Variants in BRPF3 observed in about 807,000 individuals in gnomAD.
BRPF3 encodes the protein bromodomain and PHD finger containing 3.
A neutral mutation model predicts 102.0 loss-of-function variants in BRPF3; 18 were observed. The observed-to-expected ratio is 0.18, with a 90% CI of 0.12 to 0.26. The LOEUF (loss-of-function observed/expected upper bound fraction) is 0.26. BRPF3 is among the 10% of genes least tolerant of loss of function. The probability of loss-of-function intolerance (pLI) is 1.00; values close to 1 mark genes in which losing one functional copy is unlikely to be tolerated. For missense variants in BRPF3, 1,147 were observed against 1,567.8 expected (o/e 0.73, Z 4.53); for synonymous variants, 570 against 614.2 (o/e 0.93, Z 1.06).
chr6:36,207,384 G>A lies in BRPF3; in HGVS notation c.1677G>A (p.Leu559=). ...ATTGGCAGAAGCTCCGGCATGACTT[G>A]GAGCGGGCGCGGCTGCTGATTGAGC... ...LKYWQKLRHD[L]ERARLLIELI... is the part of the protein sequence containing the mutation. Residue 559 remains leucine (L), a synonymous_variant, in exon 4 of 13, where the codon TTG becomes TTA. Coordinates refer to ENST00000357641, the MANE Select transcript of BRPF3 (RefSeq NM_015695.3). The A allele has an allele frequency of 1.2e-6, 2 of 1,614,148 alleles. No homozygotes were observed. Among genetic ancestry groups the A allele is most frequent in the Non-Finnish European group, 1.7e-6 (2 of 1,180,008 alleles).
At chr6:36,208,478 G>A (rs62403695) in intron 4 of BRPF3, among the ~76,000 whole-genome samples, 1 of 151,322 alleles carries the variant, frequency 6.6e-6, no homozygotes, top group South Asian at 2.1e-4. Flanking sequence ...TCCACAAAAA[G>A]GGGAAAAAAA....
intron 2 of BRPF3, among the ~76,000 whole-genome samples, chr6:36,203,766 C>G (rs1767802861): frequency 6.6e-6 from 1 of 152,174 alleles, no homozygotes; most frequent in African/African-American, 2.4e-5. Context: ...CTGTGGATAA[C>G]CAGTCTGGGG....
chr6:36,229,714 A>C (rs1193091886), intron 12 of BRPF3, among the ~76,000 whole-genome samples: 1 of 152,216 alleles, frequency 6.6e-6, no homozygotes, highest in African/African-American at 2.4e-5. Flanking sequence ...TAGAGTGAGG[A>C]GGGAGAACTA....
At chr6:36,207,577 G>A in intron 4 of BRPF3, 133 bp downstream of exon 4, 5 of 1,256,628 alleles carry the variant, frequency 4.0e-6, no homozygotes, top group Non-Finnish European at 5.4e-6. Context: ...AGGATTGTAG[G>A]CTCCAAGATC....
chr6:36,221,487 A>G (rs1768541949), intron 9 of BRPF3, among the ~76,000 whole-genome samples: 1 of 151,898 alleles, frequency 6.6e-6, no homozygotes. Context: ...AGGTTTCACC[A>G]TGTTGGCCAG....
chr6:36,213,102 A>G (rs2127287892), intron 7 of BRPF3, among the ~76,000 whole-genome samples: 1 of 152,364 alleles, frequency 6.6e-6, no homozygotes. Context: ...GTGAAATAAA[A>G]TCGATTGACA....
At position 36,201,830 on chromosome 6, in the gene BRPF3, C is replaced by T; in HGVS notation, c.1448+60C>T. 1 of 1,528,244 alleles carries T rather than the reference C, an allele frequency of 6.5e-7. No homozygotes were observed. The highest frequency in any genetic ancestry group is 8.8e-7 in the Non-Finnish European group (1 of 1,140,530). 94.7% of individuals were successfully genotyped at this position (1,528,244 alleles called of 1,614,324 possible). On this transcript the variant is annotated intron_variant, in intron 2 of 12. Coordinates refer to ENST00000357641, the MANE Select transcript of BRPF3 (RefSeq NM_015695.3). This position sits in a 1 kb window ranked among gnomAD's most constrained non-coding sequence, Gnocchi z 5.1. Reference sequence around the variant, plus strand: ...TGGTTTCTTCTTGGGTTGGTGTTGGCCCTGTGCCAGGCCTTCGCTAAACAC... The same window carrying T: ...TGGTTTCTTCTTGGGTTGGTGTTGGTCCTGTGCCAGGCCTTCGCTAAACAC...
At position 36,232,531 on chromosome 6, in the gene BRPF3, C is replaced by G. The variant is rs770946020; in HGVS notation, c.*1922C>G. Reference sequence around the variant, plus strand: ...CATTTTTTAAAATGCTCTTTTAGAACGGGAAACGGCTCAGATCCTGCTGTG... The same window carrying G: ...CATTTTTTAAAATGCTCTTTTAGAAGGGGAAACGGCTCAGATCCTGCTGTG... On this transcript the variant is annotated 3_prime_UTR_variant, in exon 13 of 13. Coordinates refer to ENST00000357641, the MANE Select transcript of BRPF3 (RefSeq NM_015695.3). 1 of 152,598 alleles carries G rather than the reference C, an allele frequency of 6.6e-6. No individual in the cohort carries two copies. Among genetic ancestry groups the G allele is most frequent in the Non-Finnish European group, 1.5e-5 (1 of 68,034 alleles). The allele number at this position is 152,598 out of a possible 1,614,324, so 9.5% of individuals were successfully genotyped here.
chr6:36,209,374 A>T (rs1768015467), intron 4 of BRPF3, among the ~76,000 whole-genome samples: 1 of 152,132 alleles, frequency 6.6e-6, no homozygotes, highest in Non-Finnish European at 1.5e-5. Flanking sequence ...CCAGTTACTT[A>T]GTTTCCTCTA....
chr6:36,224,494 G>A (rs910495990), intron 10 of BRPF3, among the ~76,000 whole-genome samples: 57 of 152,248 alleles, frequency 3.7e-4, no homozygotes, highest in African/African-American at 1.2e-3. Context: ...GGCATGTGAA[G>A]GACTTGCAGA....
chr6:36,217,212 A>G (rs1395063551), intron 8 of BRPF3, among the ~76,000 whole-genome samples: 1 of 152,178 alleles, frequency 6.6e-6, no homozygotes, highest in Non-Finnish European at 1.5e-5. Context: ...TCACTTCACC[A>G]AAGGAGAGGT....
chr6:36,200,908 T>C lies in BRPF3; in HGVS notation c.586T>C (p.Tyr196His). 1 of 1,614,196 alleles carries C rather than the reference T, an allele frequency of 6.2e-7. No individual in the cohort carries two copies. The highest frequency in any genetic ancestry group is 1.1e-5 in the South Asian group (1 of 91,080). The change falls in exon 2 of 13, where the codon TAC (tyrosine) becomes CAC (histidine). Residue 196 changes from tyrosine to histidine, a missense_variant. By Grantham distance (83) the Tyr-to-His change is moderately conservative. Transcript: ENST00000357641. The surrounding 1 kb of genome is among the most constrained non-coding windows in gnomAD (Gnocchi z 5.3). ...GGTAGACCGGCTTGAGAAAGAGTCA[T>C]ACTTGGAGAGTCGCAGCAGTGGGGC... ...LLVDRLEKES[Y>H]LESRSSGAQQ...
chr6:36,221,281 C>CTTTTTTTTTTTTTTTTTTT (rs35018880), intron 9 of BRPF3, among the ~76,000 whole-genome samples: 1 of 76,706 alleles, frequency 1.3e-5, no homozygotes, highest in Non-Finnish European at 2.6e-5. Context: ...AATTGGTCTA[C>CTTTTTTTTTTTTTTTTTTT]TTTTTTTTTT....
At position 36,210,139 on chromosome 6, in the gene BRPF3, G is replaced by A. The variant is rs1561823934; in HGVS notation, c.1867-77G>A. ...CATGGCCAAATCAGAAATTGAGGAGGCCAAGAGTATTGGTGAAGGGTGTGT... is the reference window on the plus strand; with the variant it reads ...CATGGCCAAATCAGAAATTGAGGAGACCAAGAGTATTGGTGAAGGGTGTGT... On this transcript the variant is annotated intron_variant, in intron 5 of 12. Transcript: ENST00000357641. This position sits in a 1 kb window ranked among gnomAD's most constrained non-coding sequence, Gnocchi z 4.7. 1 of 1,552,268 alleles carries A rather than the reference G, an allele frequency of 6.4e-7. No individual in the cohort carries two copies. Among genetic ancestry groups the A allele is most frequent in the East Asian group, 2.3e-5 (1 of 44,368 alleles).
At chr6:36,221,030 T>G (rs1768517633) in intron 9 of BRPF3, among the ~76,000 whole-genome samples, 2 of 152,172 alleles carry the variant, frequency 1.3e-5, no homozygotes, top group Non-Finnish European at 2.9e-5. Context: ...AAATTTAAAG[T>G]TATATAGGAG....
Position 36,211,430 on chromosome 6 carries a change from G to GCCACCA in BRPF3, c.2360_2365dup (p.Pro787_Pro788dup). On this transcript the variant is annotated inframe_insertion, in exon 7 of 13. Coordinates refer to ENST00000357641, the MANE Select transcript of BRPF3 (RefSeq NM_015695.3). ...ATGCCCTTCGGCAGAAGCTGGCACA[G>GCCACCA]CCACCACCACCACAGCCACCATCAC... 3.1e-6 allele frequency: 5 copies of GCCACCA among 1,611,640 alleles called. No homozygotes were observed. The highest frequency in any genetic ancestry group is 4.2e-6 in the Non-Finnish European group (5 of 1,179,130).
rs1473687222 is a variant in BRPF3 at position 36,207,455 on chromosome 6, G to A, written c.1737+11G>A. 3 of 1,613,456 alleles carry A rather than the reference G, an allele frequency of 1.9e-6. No homozygotes were observed. The highest frequency in any genetic ancestry group is 3.3e-5 in the Admixed American group (2 of 59,978). ...CTCAAACGAGAGCAGGTAAGGAGGA[G>A]CCCCCAGCCCTAGGGCCCTAGTTCA... On this transcript the variant is annotated intron_variant, in intron 4 of 12. Coordinates refer to ENST00000357641, the MANE Select transcript of BRPF3 (RefSeq NM_015695.3).
At chr6:36,222,349 C>A in intron 10 of BRPF3, 84 bp downstream of exon 10, 1 of 1,305,780 alleles carries the variant, frequency 7.7e-7, no homozygotes, top group South Asian at 1.3e-5. Context: ...GCTGGGGCTC[C>A]GTACCAGGCA....
chr6:36,209,679 A>G (rs1768026066), intron 4 of BRPF3, 108 bp from the exon 5 acceptor site: 1 of 1,414,252 alleles, frequency 7.1e-7, no homozygotes. Context: ...TTAATATTCT[A>G]TGAAAATTTG....
Sources: gnomAD v4.1 joint callset for allele counts (sites outside exome capture counted in the v4.1 genomes callset) on GRCh38, gnomAD v4.1.1 for gene constraint, Gnocchi (gnomAD v3.1) non-coding constraint, MANE v1.5 for transcripts, NCBI Gene and HGNC (gene_info 2026-07-23, HGNC 2026-07-21) for gene names.